The following TUSC3 variants were observed in gnomAD, a reference collection of about 807,000 sequenced individuals.
TUSC3 encodes dolichyl-diphosphooligosaccharide--protein glycosyltransferase subunit TUSC3.
TUSC3 carries 45 observed loss-of-function variants against 44.8 expected under a neutral mutation model. The ratio of observed to expected loss-of-function variants is 1.00; its 90% confidence interval spans 0.79 to 1.29. The LOEUF (loss-of-function observed/expected upper bound fraction) is 1.29. Among genes scored for constraint, TUSC3 ranks in the 50% most tolerant of loss-of-function variants. TUSC3 has a pLI of 0.00. For synonymous variants in TUSC3, 212 were observed against 152.9 expected, an observed-to-expected ratio of 1.39 and a Z score of -2.85; for missense variants, 519 against 437.9, an observed-to-expected ratio of 1.19 and a Z score of -1.65.
chr8:15,432,855 T>C (rs576525772), intron 1 of TUSC3, among the ~76,000 whole-genome samples: 1 of 152,242 alleles, frequency 6.6e-6, no homozygotes, highest in Non-Finnish European at 1.5e-5. Context: ...GTGTATTTCC[T>C]CTCTCCCAGG....
the TUSC3 span, among the ~76,000 whole-genome samples, chr8:15,788,461 C>G: frequency 6.6e-6 from 1 of 150,582 alleles, no homozygotes; most frequent in Non-Finnish European, 1.5e-5. Flanking sequence ...GCAGGAGAAT[C>G]TCCTGAACCC....
At chr8:15,825,424 G>T in the TUSC3 span, among the ~76,000 whole-genome samples, 67 of 152,112 alleles carry the variant, frequency 4.4e-4, 1 homozygote, top group Non-Finnish European at 6.6e-4. Context: ...ATATTTTTGT[G>T]AGACTTATTC....
intron 2 of TUSC3, among the ~76,000 whole-genome samples, chr8:15,508,418 G>C (rs1801086900): frequency 6.9e-6 from 1 of 145,796 alleles, no homozygotes; most frequent in Non-Finnish European, 1.5e-5. Context: ...ATAGATAAAT[G>C]TCTAGGTAAC....
chr8:15,506,776 CTACATTTCAAGATGAGA>C (rs1801057044), intron 2 of TUSC3, among the ~76,000 whole-genome samples: 1 of 152,116 alleles, frequency 6.6e-6, no homozygotes, highest in Non-Finnish European at 1.5e-5. Flanking sequence ...ATTATAGGAG[CTACATTTCAAGATGAGA>C]TTTCGGTGGG....
At chr8:15,517,016 T>C (rs887801950) in intron 2 of TUSC3, among the ~76,000 whole-genome samples, 2 of 152,208 alleles carry the variant, frequency 1.3e-5, no homozygotes, top group Non-Finnish European at 2.9e-5. Context: ...TCAAAGATCA[T>C]CTAGTCCATG....
At chr8:15,806,575 G>C in the TUSC3 span, 6 of 1,455,056 alleles carry the variant, frequency 4.1e-6, no homozygotes, top group Non-Finnish European at 5.8e-6. Context: ...TAACATCCCA[G>C]ATACTATCAC....
At chr8:15,470,092 CA>C (rs1346403244) in intron 1 of TUSC3, among the ~76,000 whole-genome samples, 2 of 139,464 alleles carry the variant, frequency 1.4e-5, no homozygotes, top group Non-Finnish European at 3.1e-5. Context: ...CTCGTCCCTA[CA>C]AAAAAAATTA....
intron 6 of TUSC3, among the ~76,000 whole-genome samples, chr8:15,721,502 C>T (rs755182449): frequency 7.9e-5 from 12 of 151,904 alleles, no homozygotes; most frequent in Non-Finnish European, 1.6e-4. Flanking sequence ...TTCATATATA[C>T]GTGATGTGAC....
At chr8:15,730,390 G>A (rs192803885) in intron 6 of TUSC3, among the ~76,000 whole-genome samples, 3 of 152,176 alleles carry the variant, frequency 2.0e-5, no homozygotes, top group African/African-American at 4.8e-5. Context: ...CATATTTTAT[G>A]TGTGTATGTT....
In TUSC3 at chr8:15,480,276, T is replaced by C. The variant is rs79178831; in HGVS notation, n.92-3110T>C. ...ATTGCCCAAAGTAATTTGTAGATCA[T>C]ATGCTATTCCCATTTAACTACCACT... On this transcript the variant is annotated intron_variant and non_coding_transcript_variant, in intron 1 of 5. Coordinates refer to the TUSC3 transcript ENST00000503191. 7.3e-3 allele frequency among the ~76,000 whole-genome samples: 1,118 copies of C among 152,304 alleles called. 70 individuals carry two copies. The East Asian group carries it at 0.16, about 22-fold the overall frequency.
At chr8:15,517,373 A>G (rs972793650) in intron 2 of TUSC3, among the ~76,000 whole-genome samples, 5 of 152,028 alleles carry the variant, frequency 3.3e-5, no homozygotes, top group African/African-American at 1.2e-4. Flanking sequence ...TTGCTATTGT[A>G]TTGCCAATCC....
At chr8:15,674,264 A>G (rs1808085097) in intron 6 of TUSC3, among the ~76,000 whole-genome samples, 1 of 151,978 alleles carries the variant, frequency 6.6e-6, no homozygotes, top group Admixed American at 6.6e-5. Flanking sequence ...GAATGTTAGG[A>G]ACTCTTTGCC....
chr8:15,807,884 G>A, the TUSC3 span, among the ~76,000 whole-genome samples: 1 of 152,162 alleles, frequency 6.6e-6, no homozygotes, highest in Non-Finnish European at 1.5e-5. Flanking sequence ...AGGAAGGAAA[G>A]CAAGAGTTGC....
rs995903196 is a variant in TUSC3 at position 15,757,982 on chromosome 8, G to T, written c.*46+127G>T. 4.8e-5 allele frequency: 71 copies of T among 1,482,532 alleles called. No homozygotes were observed. The East Asian group carries it at 1.1e-3, about 24-fold the overall frequency. 91.8% of individuals were successfully genotyped at this position (1,482,532 alleles called of 1,614,324 possible). A position where few individuals can be genotyped will look rare whatever the true frequency, so the allele number is the denominator to read the frequency against. Reference sequence around the variant, plus strand: ...TACAAATGTAAGATAACTTTTAACTGTGAGATTCCATATTCCAGTCTTACA... The same window carrying T: ...TACAAATGTAAGATAACTTTTAACTTTGAGATTCCATATTCCAGTCTTACA... On this transcript the variant is annotated intron_variant, in intron 10 of 10. Coordinates refer to ENST00000503731, the MANE Select transcript of TUSC3 (RefSeq NM_006765.4).
the TUSC3 span, chr8:15,806,386 T>C: frequency 1.4e-6 from 1 of 738,884 alleles, no homozygotes; most frequent in Non-Finnish European, 2.6e-6. Context: ...TCTGCCTCCT[T>C]CTTCGCTGCT....
the TUSC3 span, among the ~76,000 whole-genome samples, chr8:15,840,648 G>C: frequency 6.6e-6 from 1 of 152,050 alleles, no homozygotes; most frequent in African/African-American, 2.4e-5. Context: ...TTATAATCTG[G>C]TATGAAAAAA....
In TUSC3 at chr8:15,623,728, C is replaced by T. The variant is rs139428297; in HGVS notation, c.308+479C>T. Among the ~76,000 whole-genome samples, 57 of 152,018 alleles carry T rather than the reference C, an allele frequency of 3.7e-4. 1 individual carries two copies. The highest frequency in any genetic ancestry group is 1.3e-3 in the African/African-American group (54 of 41,462). ...GGAATAAATTAAAGAAAACTTTGGA[C>T]AAGTATAAATACTTGTCCAAAAGTA... On this transcript the variant is annotated intron_variant, in intron 2 of 10. Coordinates refer to ENST00000503731, the MANE Select transcript of TUSC3 (RefSeq NM_006765.4).
At chr8:15,657,770 C>T (rs1807239258) in intron 3 of TUSC3, among the ~76,000 whole-genome samples, 1 of 152,142 alleles carries the variant, frequency 6.6e-6, no homozygotes, top group African/African-American at 2.4e-5. Context: ...CACCCAGTGC[C>T]TCTGAGACCA....
Position 15,765,858 on chromosome 8 carries a change from TAG to T in TUSC3, c.*1706_*1707del. On this transcript the variant is annotated 3_prime_UTR_variant, in exon 11 of 11. Coordinates refer to ENST00000503731, the MANE Select transcript of TUSC3 (RefSeq NM_006765.4). The stretch of plus-strand genomic sequence containing the variant: ...TACATTTTACTCAAAACTTCATACA[TAG>T]AGACTCTCAGGTCAAATTTTACAAG... 1 of 152,196 alleles carries T rather than the reference TAG, an allele frequency of 6.6e-6. No individual in the cohort carries two copies. The highest frequency in any genetic ancestry group is 1.9e-4 in the East Asian group (1 of 5,176). 9.4% of individuals were successfully genotyped at this position (152,196 alleles called of 1,614,324 possible). A position where few individuals can be genotyped will look rare whatever the true frequency, so the allele number is the denominator to read the frequency against.
Sources: gnomAD v4.1 joint callset for allele counts (sites outside exome capture counted in the v4.1 genomes callset) on GRCh38, gnomAD v4.1.1 for gene constraint, MANE v1.5 for transcripts, NCBI Gene and HGNC (gene_info 2026-07-23, HGNC 2026-07-21) for gene names.